The following RBMS1 variants were observed in gnomAD, a reference collection of about 807,000 sequenced individuals.
The protein encoded by RBMS1 is RNA binding motif single stranded interacting protein 1, also known as RNA-binding motif, single-stranded-interacting protein 1.
A neutral mutation model predicts 62.3 loss-of-function variants in RBMS1; 17 were observed. The observed-to-expected ratio is 0.27, with a 90% CI of 0.19 to 0.41. The LOEUF (loss-of-function observed/expected upper bound fraction) is 0.41. Among genes scored for constraint, RBMS1 ranks in the 10% least tolerant of loss-of-function variants. RBMS1 has a pLI of 1.00. For synonymous variants in RBMS1, 172 were observed against 170.0 expected (o/e 1.01, Z -0.09); for missense variants, 334 against 504.5 (o/e 0.66, Z 3.24).
intron 1 of RBMS1, among the ~76,000 whole-genome samples, chr2:160,397,063 C>T (rs1573998516): frequency 6.6e-6 from 1 of 152,240 alleles, no homozygotes; most frequent in East Asian, 1.9e-4. Flanking sequence ...CAATGTCAAA[C>T]CCTATATAAA....
At chr2:160,419,447 T>A (rs544839407) in intron 1 of RBMS1, among the ~76,000 whole-genome samples, 1 of 152,342 alleles carries the variant, frequency 6.6e-6, no homozygotes, top group East Asian at 1.9e-4. Context: ...TAGTCCCATG[T>A]CTACTCCTAG....
chr2:160,493,072 G>C, intron 1 of RBMS1: 1 of 521,166 alleles, frequency 1.9e-6, no homozygotes, highest in Non-Finnish European at 3.4e-6. Context: ...TCCCCCCGCG[G>C]CTTTCTGTAA....
chr2:160,351,801 A>G (rs1386293201), intron 2 of RBMS1, among the ~76,000 whole-genome samples: 1 of 152,160 alleles, frequency 6.6e-6, no homozygotes, highest in African/African-American at 2.4e-5. Context: ...GATAATAAAA[A>G]TAACGATTGC....
rs1475232998 is a variant in RBMS1 at position 160,468,153 on chromosome 2, TG to T, written c.75+25135del. 2.6e-5 allele frequency among the ~76,000 whole-genome samples: 4 copies of T among 152,256 alleles called. No homozygotes were observed. In the East Asian group the frequency reaches 7.7e-4, roughly 29 times the overall value. On this transcript the variant is annotated intron_variant, in intron 1 of 13. Coordinates refer to ENST00000348849, the MANE Select transcript of RBMS1 (RefSeq NM_016836.4). ...GATGTTAAAGAATGGGGAGGAAAGG[TG>T]TGCATTAGAATTAAAGAAATGTAGT...
chr2:160,315,904 A>G (rs1374322289), intron 3 of RBMS1, among the ~76,000 whole-genome samples: 1 of 152,204 alleles, frequency 6.6e-6, no homozygotes, highest in Non-Finnish European at 1.5e-5. Context: ...CTTCAGCTTA[A>G]TTCTCTTGAA....
At chr2:160,334,476 G>C (rs1045524917) in intron 2 of RBMS1, among the ~76,000 whole-genome samples, 2 of 152,134 alleles carry the variant, frequency 1.3e-5, no homozygotes, top group African/African-American at 4.8e-5. Flanking sequence ...TAAGGCAGAG[G>C]GGACAAATGA....
intron 1 of RBMS1, among the ~76,000 whole-genome samples, chr2:160,402,439 A>G (rs1695483266): frequency 6.6e-6 from 1 of 152,206 alleles, no homozygotes; most frequent in South Asian, 2.1e-4. Context: ...GATTTCCCTG[A>G]GAGAGGGCTG....
chr2:160,447,097 A>G (rs534554501), intron 1 of RBMS1, among the ~76,000 whole-genome samples: 23 of 152,350 alleles, frequency 1.5e-4, no homozygotes, highest in Admixed American at 1.2e-3. Context: ...GGACACAGTG[A>G]AAGTTTACTT....
At chr2:160,426,218 G>GAAGAAAAAGA (rs1682566252) in intron 1 of RBMS1, among the ~76,000 whole-genome samples, 1 of 48,676 alleles carries the variant, frequency 2.1e-5, no homozygotes, top group South Asian at 7.9e-4. Context: ...GAGAGAGACA[G>GAAGAAAAAGA]AAGAAAGAAA....
intron 2 of RBMS1, among the ~76,000 whole-genome samples, chr2:160,344,013 A>C (rs1399533533): frequency 6.6e-6 from 1 of 152,156 alleles, no homozygotes; most frequent in East Asian, 1.9e-4. Flanking sequence ...AGATATGAAT[A>C]AGTTATTTTT....
chr2:160,320,650 TTCTC>T (rs1690507715), intron 2 of RBMS1, among the ~76,000 whole-genome samples: 2 of 152,070 alleles, frequency 1.3e-5, no homozygotes. Flanking sequence ...TCTGTTTTCT[TTCTC>T]TATGTGATCT....
At chr2:160,370,853 G>A (rs1444240982) in intron 1 of RBMS1, among the ~76,000 whole-genome samples, 1 of 136,116 alleles carries the variant, frequency 7.3e-6, no homozygotes, top group African/African-American at 3.1e-5. Context: ...AGTAAAAGGT[G>A]CCTTTAATGT....
chr2:160,401,153 C>A (rs1695408087), intron 1 of RBMS1, among the ~76,000 whole-genome samples: 1 of 152,078 alleles, frequency 6.6e-6, no homozygotes, highest in Non-Finnish European at 1.5e-5. Flanking sequence ...TGGCATATTT[C>A]CTTCCAGTTT....
intron 6 of RBMS1, among the ~76,000 whole-genome samples, chr2:160,292,719 G>A (rs1421358955): frequency 6.6e-6 from 1 of 152,190 alleles, no homozygotes; most frequent in African/African-American, 2.4e-5. Context: ...TCGTGAAAGG[G>A]TGTAAAATGT....
At chr2:160,446,837 T>C (rs1257034087) in intron 1 of RBMS1, among the ~76,000 whole-genome samples, 1 of 152,210 alleles carries the variant, frequency 6.6e-6, no homozygotes, top group Non-Finnish European at 1.5e-5. Flanking sequence ...ATGCTTGCCT[T>C]GACTTTTCTC....
rs147203568 is a variant in RBMS1, at chr2:160,353,592, T to G, written c.251+13624A>C. Among the ~76,000 whole-genome samples, 427 of 152,228 alleles carry G rather than the reference T, an allele frequency of 2.8e-3. 2 individuals are homozygous for G. Among genetic ancestry groups the G allele is most frequent in the Non-Finnish European group, 4.4e-3 (296 of 67,982 alleles). On this transcript the variant is annotated intron_variant, in intron 2 of 13. Coordinates refer to ENST00000348849, the MANE Select transcript of RBMS1 (RefSeq NM_016836.4). ...CTTTGGCAAGAAACTGAAGTACAGATATTTCATCCTCATGATAAAGAGCAG... is the reference window on the plus strand; with the variant it reads ...CTTTGGCAAGAAACTGAAGTACAGAGATTTCATCCTCATGATAAAGAGCAG...
chr2:160,383,424 A>G (rs1694386304), intron 1 of RBMS1, among the ~76,000 whole-genome samples: 1 of 133,870 alleles, frequency 7.5e-6, no homozygotes, highest in Admixed American at 7.7e-5. Context: ...AAATAAGGTT[A>G]CATTCTGGGG....
At chr2:160,299,262 T>C (rs1689091769) in intron 6 of RBMS1, among the ~76,000 whole-genome samples, 2 of 152,186 alleles carry the variant, frequency 1.3e-5, no homozygotes, top group South Asian at 4.1e-4. Flanking sequence ...GAGTGCTTAG[T>C]TTAGTTTCTA....
intron 1 of RBMS1, among the ~76,000 whole-genome samples, chr2:160,404,635 C>A (rs1559510939): frequency 6.6e-6 from 1 of 152,146 alleles, no homozygotes; most frequent in Admixed American, 6.5e-5. Flanking sequence ...ATCCTGGAAC[C>A]AATCTTCCTC....
Sources: gnomAD v4.1 joint callset for allele counts (sites outside exome capture counted in the v4.1 genomes callset) on GRCh38, gnomAD v4.1.1 for gene constraint, MANE v1.5 for transcripts, NCBI Gene and HGNC (gene_info 2026-07-23, HGNC 2026-07-21) for gene names.